Variants in ZNF3 observed in about 807,000 individuals in gnomAD.
ZNF3 encodes the protein C2-H2 type zinc finger protein.
ZNF3 carries 16 observed loss-of-function variants against 36.9 expected under a neutral mutation model. The ratio of observed to expected loss-of-function variants is 0.43; its 90% CI spans 0.29 to 0.66. The LOEUF (loss-of-function observed/expected upper bound fraction) is 0.66. ZNF3 is among the 30% of genes least tolerant of loss of function. ZNF3 has a pLI of 0.13. For missense variants in ZNF3, 462 were observed against 543.1 expected, an observed-to-expected ratio of 0.85 and a Z score of 1.48; for synonymous variants, 201 against 201.9, an observed-to-expected ratio of 1.00 and a Z score of 0.04.
At position 100,077,288 on chromosome 7, in the gene ZNF3, G is replaced by A. The variant is rs1794282367; in HGVS notation, c.55+15C>T. 5.6e-6 allele frequency: 9 copies of A among 1,613,882 alleles called. No homozygotes were observed. Among genetic ancestry groups the A allele is most frequent in the Non-Finnish European group, 7.6e-6 (9 of 1,179,912 alleles). On this transcript the variant is annotated intron_variant, in intron 3 of 5. Transcript: ENST00000299667. ...AATGACTGAGTAAAAGAATGAATGA[G>A]TCCTTATTCCTCACCACTGTCAAGC... is the stretch of plus-strand genomic sequence containing the variant.
chr7:100,078,472 G>A (rs956502142), intron 2 of ZNF3, among the ~76,000 whole-genome samples: 2 of 150,368 alleles, frequency 1.3e-5, no homozygotes, highest in African/African-American at 2.5e-5. Flanking sequence ...CTCCAGTCTG[G>A]GCAATAGACA....
Position 100,077,401 on chromosome 7 carries a change from G to C in ZNF3, c.-44C>G. The C allele has an allele frequency of 6.2e-7, 1 of 1,613,222 alleles. No homozygotes were observed. The highest frequency in any genetic ancestry group is 1.1e-5 in the South Asian group (1 of 91,048). ...CTGGTCTCCTGGGTGCAGACTCAGC[G>C]GGAAGCGGGTTTTAAAAGAGAATGA... is the stretch of plus-strand genomic sequence containing the variant. On this transcript the variant is annotated 5_prime_UTR_variant, in exon 3 of 6. Transcript: ENST00000299667.
Position 100,072,131 on chromosome 7 carries a change from T to G in ZNF3, c.353A>C (p.Lys118Thr), listed in dbSNP as rs376176269. 2.8e-5 allele frequency: 45 copies of G among 1,613,832 alleles called. No individual in the cohort carries two copies. In the African/African-American group the frequency reaches 5.2e-4, roughly 19 times the overall value. Residue 118 changes from lysine (K) to threonine (T), a missense_variant, in exon 6 of 6, where the codon AAG (lysine) becomes ACG (threonine). Lys to Thr is a moderately conservative substitution (Grantham distance 78). Transcript: ENST00000299667. ...AAACTTGAGACCCTGAGAAATATCCTTTTGAAATCTTCCCAGTAGGACCCC... is the reference window on the plus strand; with the variant it reads ...AAACTTGAGACCCTGAGAAATATCCGTTTGAAATCTTCCCAGTAGGACCCC... ...SHGVLLGRFQ[K>T]DISQGLKFKE... is the part of the protein sequence containing the mutation.
At position 100,071,271 on chromosome 7, in the gene ZNF3, A is replaced by G. The variant is rs2116268468; in HGVS notation, c.1213T>C (p.Phe405Leu). Residue 405 changes from phenylalanine to leucine, a missense_variant, in exon 6 of 6, where the codon TTC becomes CTC. Coordinates refer to ENST00000299667, the MANE Select transcript of ZNF3 (RefSeq NM_032924.5). Reference sequence around the variant, plus strand: ...CGAACAAGAGCCGAGCTGTACCTGAAGGCTTTCCCACACTCACTACATTCA... The same window carrying G: ...CGAACAAGAGCCGAGCTGTACCTGAGGGCTTTCCCACACTCACTACATTCA... ...PYECSECGKA[F>L]RYSSALVRHQ... 1.2e-6 allele frequency: 2 copies of G among 1,614,250 alleles called. No individual in the cohort carries two copies. Among genetic ancestry groups the G allele is most frequent in the East Asian group, 4.5e-5 (2 of 44,896 alleles).
exon 6 of ZNF3, chr7:100,064,468 T>C: frequency 6.2e-7 from 1 of 1,613,990 alleles, no homozygotes; most frequent in South Asian, 1.1e-5. Flanking sequence ...TGGGAAAGCC[T>C]TCAACCACAG....
At position 100,070,420 on chromosome 7, in the gene ZNF3, C is replaced by A. The variant is rs1792946797; in HGVS notation, c.*723G>T. The A allele has an allele frequency of 1.0e-6, 1 of 985,386 alleles. No homozygotes were observed. The highest frequency in any genetic ancestry group is 6.1e-5 in the Admixed American group (1 of 16,276). The allele number at this position is 985,386 out of a possible 1,614,324, so 61.0% of individuals were successfully genotyped here. On this transcript the variant is annotated 3_prime_UTR_variant, in exon 6 of 6. Coordinates refer to ENST00000299667, the MANE Select transcript of ZNF3 (RefSeq NM_032924.5). The stretch of plus-strand genomic sequence containing the variant: ...GAGGCCAACGCTAAGTGCTTCTGAC[C>A]CTCTCCCTCACAGCCGGTTACTAGC...
chr7:100,074,924 T>A (rs1299829982), intron 5 of ZNF3, among the ~76,000 whole-genome samples: 3 of 152,112 alleles, frequency 2.0e-5, no homozygotes, highest in Admixed American at 2.0e-4. Flanking sequence ...TGGTGGTGCG[T>A]GCCTGTAGTC....
intron 4 of ZNF3, 69 bp downstream of exon 4, chr7:100,075,473 T>A (rs752109979): frequency 6.3e-7 from 1 of 1,586,446 alleles, no homozygotes; most frequent in Non-Finnish European, 8.6e-7. Flanking sequence ...GATCAGGGTT[T>A]AAAGCTCTGA....
chr7:100,073,935 C>A (rs1241813057), intron 5 of ZNF3, among the ~76,000 whole-genome samples: 1 of 151,924 alleles, frequency 6.6e-6, no homozygotes, highest in Non-Finnish European at 1.5e-5. Context: ...GCAGGTGGAT[C>A]ACCTGAGGTC....
At chr7:100,065,954 G>C (rs1792630219), downstream of ZNF3, among the ~76,000 whole-genome samples, 1 of 148,010 alleles carries the variant, frequency 6.8e-6, no homozygotes, top group African/African-American at 2.5e-5. Flanking sequence ...AAAGGCCTGG[G>C]CATTCTGTTT....
At chr7:100,082,236 TCA>T (rs924549297), upstream of ZNF3, 1 of 152,144 alleles carries the variant, frequency 6.6e-6, no homozygotes, top group Admixed American at 6.5e-5. Context: ...TTCCAGTCCA[TCA>T]CAGAGTTGAC....
intron 5 of ZNF3, among the ~76,000 whole-genome samples, chr7:100,072,921 G>A (rs1303444883): frequency 6.6e-6 from 1 of 152,202 alleles, no homozygotes; most frequent in Non-Finnish European, 1.5e-5. Context: ...GAGAGTTTGC[G>A]TTTTTAGCTT....
intron 5 of ZNF3, among the ~76,000 whole-genome samples, chr7:100,074,077 C>G (rs755203891): frequency 6.6e-6 from 1 of 151,908 alleles, no homozygotes; most frequent in Non-Finnish European, 1.5e-5. Flanking sequence ...ATTGCTTGAA[C>G]GCAGGACGCA....
chr7:100,064,543 G>A (rs766637575), exon 6 of ZNF3: 13 of 1,614,058 alleles, frequency 8.1e-6, no homozygotes, highest in South Asian at 2.2e-5. Context: ...TCATCACTGT[G>A]GAAAGACCTT....
At chr7:100,073,241 G>C (rs1247871624) in intron 5 of ZNF3, among the ~76,000 whole-genome samples, 1 of 152,218 alleles carries the variant, frequency 6.6e-6, no homozygotes, top group Admixed American at 6.5e-5. Context: ...TCAAATGAGA[G>C]TTAGGAAGAC....
chr7:100,073,093 G>A (rs993130801), intron 5 of ZNF3, among the ~76,000 whole-genome samples: 3 of 152,136 alleles, frequency 2.0e-5, no homozygotes, highest in Non-Finnish European at 4.4e-5. Context: ...AGAGATGGTG[G>A]CAGGATTCAG....
At position 100,074,112 on chromosome 7, in the gene ZNF3, G is replaced by A. The variant is rs190323047; in HGVS notation, c.271+1023C>T. Among the ~76,000 whole-genome samples the A allele has an allele frequency of 5.2e-3, 788 of 151,936 alleles. 5 individuals carry two copies. The highest frequency in any genetic ancestry group is 0.018 in the African/African-American group (766 of 41,446). On this transcript the variant is annotated intron_variant, in intron 5 of 5. Transcript: ENST00000299667. Reference sequence around the variant, plus strand: ...AGAGGTTGCGGTGAGCCGAGACCACGCTATTGCACTCCAGCCTGGCAACAA... The same window carrying A: ...AGAGGTTGCGGTGAGCCGAGACCACACTATTGCACTCCAGCCTGGCAACAA...
At chr7:100,067,197 A>G (rs1792693881), downstream of ZNF3, among the ~76,000 whole-genome samples, 1 of 152,156 alleles carries the variant, frequency 6.6e-6, no homozygotes, top group Admixed American at 6.5e-5. Flanking sequence ...TCCTACTATT[A>G]ACCCTGCTGA....
chr7:100,070,069 G>A lies in ZNF3; in HGVS notation c.*1074C>T, dbSNP rs903931205. On this transcript the variant is annotated 3_prime_UTR_variant, in exon 6 of 6. Transcript: ENST00000299667. ...CAATGGAAGGTCATCCCGTCGGTTG[G>A]GAAAACTCGGGGAGTGCCATCCTCA... 1 of 985,758 alleles carries A rather than the reference G, an allele frequency of 1.0e-6. No homozygotes were observed. The highest frequency in any genetic ancestry group is 1.2e-6 in the Non-Finnish European group (1 of 829,944). The allele number at this position is 985,758 out of a possible 1,614,324, so 61.1% of individuals were successfully genotyped here. A position where few individuals can be genotyped will look rare whatever the true frequency, so the allele number is the denominator to read the frequency against.
Sources: gnomAD v4.1 joint callset for allele counts (sites outside exome capture counted in the v4.1 genomes callset) on GRCh38, gnomAD v4.1.1 for gene constraint, MANE v1.5 for transcripts, NCBI Gene and HGNC (gene_info 2026-07-23, HGNC 2026-07-21) for gene names.